The following ZNF25 variants were observed in gnomAD, a reference collection of about 807,000 sequenced individuals.
ZNF25 encodes the protein zinc finger protein 25 (KOX 19).
A neutral mutation model predicts 30.9 loss-of-function variants in ZNF25; 21 were observed. The ratio of observed to expected loss-of-function variants is 0.68; its 90% CI spans 0.48 to 0.98. The LOEUF is 0.98. Among genes scored for constraint, ZNF25 ranks in the 50% least tolerant of loss-of-function variants. The pLI is 0.00. For missense variants in ZNF25, 501 were observed against 529.9 expected (o/e 0.95, Z 0.54); for synonymous variants, 169 against 181.3 (o/e 0.93, Z 0.55).
intron 3 of ZNF25, 38 bp downstream of exon 3, chr10:37,957,382 A>G: frequency 6.3e-7 from 1 of 1,595,502 alleles, no homozygotes; most frequent in Non-Finnish European, 8.5e-7. Flanking sequence ...AGATAGATGC[A>G]AACTACTGGG....
At chr10:37,971,951 C>T in intron 1 of ZNF25, 144 bp from the exon 2 acceptor site, 1 of 558,582 alleles carries the variant, frequency 1.8e-6, no homozygotes. Flanking sequence ...TGTTGATGAG[C>T]CTGGGACATT....
At chr10:37,959,305 A>G (rs542822468) in intron 2 of ZNF25, among the ~76,000 whole-genome samples, 1 of 152,292 alleles carries the variant, frequency 6.6e-6, no homozygotes, top group African/African-American at 2.4e-5. Context: ...GAAAAATAAG[A>G]AAAACATTTA....
At chr10:37,955,248 A>G (rs1378464539) in intron 4 of ZNF25, among the ~76,000 whole-genome samples, 3 of 152,214 alleles carry the variant, frequency 2.0e-5, no homozygotes, top group African/African-American at 7.2e-5. Flanking sequence ...AATAAGTTGC[A>G]TAGGCAAGAG....
chr10:37,961,922 C>CAAAAAA (rs71533129), intron 2 of ZNF25, among the ~76,000 whole-genome samples: 1 of 39,064 alleles, frequency 2.6e-5, no homozygotes, highest in Non-Finnish European at 4.9e-5. Context: ...AACTCCATCT[C>CAAAAAA]AAAAAAAAAA....
chr10:37,968,628 T>C (rs535544737), intron 2 of ZNF25, among the ~76,000 whole-genome samples: 3 of 152,124 alleles, frequency 2.0e-5, no homozygotes, highest in Non-Finnish European at 4.4e-5. Flanking sequence ...ATGCTGGGAT[T>C]ACAGGCATGA....
chr10:37,968,859 T>C (rs748771584), intron 2 of ZNF25, among the ~76,000 whole-genome samples: 1 of 152,182 alleles, frequency 6.6e-6, no homozygotes, highest in Non-Finnish European at 1.5e-5. Context: ...GCCAATTTTT[T>C]GCACACGTGG....
intron 4 of ZNF25, among the ~76,000 whole-genome samples, chr10:37,955,616 G>A (rs987232474): frequency 2.3e-4 from 35 of 152,286 alleles, no homozygotes; most frequent in African/African-American, 8.4e-4. Flanking sequence ...AGCTTCTACA[G>A]GAGTTAATAA....
intron 2 of ZNF25, among the ~76,000 whole-genome samples, chr10:37,971,272 T>C (rs1054410934): frequency 3.4e-5 from 5 of 147,426 alleles, no homozygotes; most frequent in Admixed American, 2.1e-4. Flanking sequence ...GCCAAGATTA[T>C]ACCATTGCAC....
At position 37,953,190 on chromosome 10, in the gene ZNF25, C is replaced by T; in HGVS notation, c.308G>A (p.Gly103Glu). Reference sequence around the variant, plus strand: ...AGTTTTCTGATGTTTTGTGAGTTCTCCATTCCTAGACAGAAAGTTCCACAT... The same window carrying T: ...AGTTTTCTGATGTTTTGTGAGTTCTTCATTCCTAGACAGAAAGTTCCACAT... ...QESQAGNSRN[G>E]ELTKHQKTHT... Residue 103 changes from glycine to glutamate, a missense_variant, in exon 6 of 6, where the codon GGA (glycine) becomes GAA (glutamate). Transcript: ENST00000302609. 1 of 1,577,978 alleles carries T rather than the reference C, an allele frequency of 6.3e-7. No homozygotes were observed. Among genetic ancestry groups the T allele is most frequent in the Non-Finnish European group, 8.6e-7 (1 of 1,168,458 alleles).
rs778836576 is a variant in ZNF25, at chr10:37,952,301, T to C, written c.1197A>G (p.Ala399=). 4.3e-6 allele frequency: 7 copies of C among 1,613,564 alleles called. No individual in the cohort carries two copies. In the East Asian group the frequency reaches 1.6e-4, roughly 36 times the overall value. Residue 399 remains alanine (A), a synonymous_variant, in exon 6 of 6, where the codon GCA becomes GCG. Transcript: ENST00000302609. ...AAAAGGACTTCCCACATTCCTTGCATGCATAGGGCTTCTCTCCTGTGTGAG... is the reference window on the plus strand; with the variant it reads ...AAAAGGACTTCCCACATTCCTTGCACGCATAGGGCTTCTCTCCTGTGTGAG... ...QRTHTGEKPY[A]CKECGKSFSQ...
In ZNF25 at chr10:37,963,684, A is replaced by G. The variant is rs151153215; in HGVS notation, c.16-6138T>C. Among the ~76,000 whole-genome samples, 1,407 of 152,300 alleles carry G rather than the reference A, an allele frequency of 9.2e-3. 22 individuals are homozygous for G. The highest frequency in any genetic ancestry group is 0.032 in the African/African-American group (1,344 of 41,564). On this transcript the variant is annotated intron_variant, in intron 2 of 5. Coordinates refer to ENST00000302609, the MANE Select transcript of ZNF25 (RefSeq NM_145011.4). ...TTCACATGAGATCTGGTTGTTTAAAAGAGTCTGGCACCAGGCGTGGTGGCT... is the reference window on the plus strand; with the variant it reads ...TTCACATGAGATCTGGTTGTTTAAAGGAGTCTGGCACCAGGCGTGGTGGCT...
At chr10:37,955,775 T>G (rs531169500) in intron 4 of ZNF25, among the ~76,000 whole-genome samples, 64 of 152,296 alleles carry the variant, frequency 4.2e-4, no homozygotes, top group African/African-American at 1.4e-3. Flanking sequence ...CTTCCTGGGT[T>G]TAAGCAATTC....
At chr10:37,969,580 T>A (rs570417083) in intron 2 of ZNF25, among the ~76,000 whole-genome samples, 1 of 152,186 alleles carries the variant, frequency 6.6e-6, no homozygotes, top group African/African-American at 2.4e-5. Context: ...TAGAGATAGA[T>A]AACATATTAG....
intron 2 of ZNF25, among the ~76,000 whole-genome samples, chr10:37,969,757 TG>T (rs1299281932): frequency 6.6e-6 from 1 of 152,240 alleles, no homozygotes; most frequent in Admixed American, 6.5e-5. Context: ...TTTTAAATGA[TG>T]AATGTGAATT....
At chr10:37,974,347 G>A (rs2063675221) in intron 1 of ZNF25, among the ~76,000 whole-genome samples, 1 of 152,014 alleles carries the variant, frequency 6.6e-6, no homozygotes, top group African/African-American at 2.4e-5. Context: ...CCAAAGAATA[G>A]GAGAAAATAT....
chr10:37,971,554 T>G (rs1003358253), intron 2 of ZNF25, among the ~76,000 whole-genome samples, 154 bp downstream of exon 2: 2 of 151,906 alleles, frequency 1.3e-5, no homozygotes, highest in Admixed American at 6.6e-5. Flanking sequence ...TCAAACGGTA[T>G]TTTGCCTGTA....
intron 2 of ZNF25, among the ~76,000 whole-genome samples, chr10:37,969,883 T>A (rs923133816): frequency 6.6e-6 from 1 of 152,208 alleles, no homozygotes; most frequent in Non-Finnish European, 1.5e-5. Flanking sequence ...CAATTATATG[T>A]AATTTCTTCC....
At position 37,957,562 on chromosome 10, in the gene ZNF25, TC is replaced by T; in HGVS notation, c.16-17del. On this transcript the variant is annotated splice_polypyrimidine_tract_variant and intron_variant, in intron 2 of 5. Transcript: ENST00000302609. ...TCACGGGTCCCTGGAATAACATACT[TC>T]AGTTCAATTTGAAGTAACCAGAATA... 6.2e-7 allele frequency: 1 copy of T among 1,609,730 alleles called. No homozygotes were observed. Among genetic ancestry groups the T allele is most frequent in the Non-Finnish European group, 8.5e-7 (1 of 1,178,094 alleles).
intron 2 of ZNF25, 34 bp downstream of exon 2, chr10:37,971,668 CACACAG>C: frequency 6.3e-7 from 1 of 1,591,330 alleles, no homozygotes; most frequent in African/African-American, 1.4e-5. Flanking sequence ...CACACACACA[CACACAG>C]TGAAACAAAG....
Sources: allele counts gnomAD v4.1 joint callset (sites outside exome capture counted in the v4.1 genomes callset), GRCh38; gene constraint gnomAD v4.1.1; transcripts MANE v1.5; gene names NCBI Gene and HGNC (gene_info 2026-07-23, HGNC 2026-07-21).